MTUS2: variants seen among roughly 807,000 people sequenced by gnomAD.
MTUS2 encodes microtubule-associated tumor suppressor candidate 2.
Under a neutral mutation model 114.1 loss-of-function variants are expected in MTUS2, and 40 were observed. The observed-to-expected ratio is 0.35, with a 90% confidence interval of 0.27 to 0.46. The LOEUF is 0.46. MTUS2 is among the 20% of genes least tolerant of loss of function. The probability of loss-of-function intolerance (pLI) is 1.00; values close to 1 mark genes in which losing one functional copy is unlikely to be tolerated. For synonymous variants in MTUS2, 688 were observed against 672.0 expected, an observed-to-expected ratio of 1.02 and a Z score of -0.37; for missense variants, 1,679 against 1,705.4, an observed-to-expected ratio of 0.98 and a Z score of 0.27.
chr13:29,318,499 T>A (rs1566127505), intron 6 of MTUS2, among the ~76,000 whole-genome samples: 1 of 151,072 alleles, frequency 6.6e-6, no homozygotes, highest in African/African-American at 2.4e-5. Context: ...GACTTTCTGG[T>A]GAGTAAAAAG....
intron 8 of MTUS2, among the ~76,000 whole-genome samples, chr13:29,390,126 C>CAT (rs537879012): frequency 0.033 from 4,661 of 143,362 alleles, 354 homozygotes; most frequent in African/African-American, 0.12. Flanking sequence ...CACACACAAA[C>CAT]ATATATACTG....
intron 5 of MTUS2, among the ~76,000 whole-genome samples, chr13:29,127,230 C>G (rs772535074): frequency 1.3e-5 from 2 of 152,254 alleles, no homozygotes; most frequent in Non-Finnish European, 2.9e-5. Flanking sequence ...GGTCTCTGTC[C>G]TGTCCTTCCA....
At chr13:29,353,774 C>T (rs1869498029) in intron 7 of MTUS2, among the ~76,000 whole-genome samples, 1 of 152,152 alleles carries the variant, frequency 6.6e-6, no homozygotes, top group Admixed American at 6.5e-5. Flanking sequence ...CCTGATGCCC[C>T]ATGAATTACG....
At chr13:29,184,848 A>C (rs1593573124) in intron 5 of MTUS2, among the ~76,000 whole-genome samples, 1 of 152,202 alleles carries the variant, frequency 6.6e-6, no homozygotes, top group African/African-American at 2.4e-5. Context: ...TTTAACAAAA[A>C]ATTGATGAGA....
intron 8 of MTUS2, among the ~76,000 whole-genome samples, chr13:29,363,002 G>T (rs1245508826): frequency 6.6e-6 from 1 of 152,180 alleles, no homozygotes; most frequent in Admixed American, 6.5e-5. Context: ...AGGCAGCTCT[G>T]CCCCTGCAGC....
At position 28,951,367 on chromosome 13, in the gene MTUS2, T is replaced by A. The variant is rs114821821; in HGVS notation, c.-242-73090T>A. Among the ~76,000 whole-genome samples the A allele has an allele frequency of 8.6e-3, 1,305 of 152,318 alleles. 20 individuals are homozygous for A. The highest frequency in any genetic ancestry group is 0.029 in the African/African-American group (1,189 of 41,560). On this transcript the variant is annotated intron_variant, in intron 2 of 15. Coordinates refer to ENST00000612955, the MANE Select transcript of MTUS2 (RefSeq NM_001033602.4). ...CTTTTCATTTATTTGTCTTTTAAAA[T>A]TTCTTTCAGCAACATTTTATAGTCT...
intron 4 of MTUS2, among the ~76,000 whole-genome samples, chr13:29,055,612 G>T (rs184534215): frequency 4.7e-4 from 72 of 152,130 alleles, no homozygotes; most frequent in Non-Finnish European, 1.5e-5. Flanking sequence ...ATGAGAACAT[G>T]CCATGTTTGG....
At chr13:29,279,760 G>A (rs1437926839) in intron 5 of MTUS2, among the ~76,000 whole-genome samples, 2 of 152,162 alleles carry the variant, frequency 1.3e-5, no homozygotes, top group Non-Finnish European at 2.9e-5. Flanking sequence ...TTACTTCCCA[G>A]CCTGGAGAGC....
intron 4 of MTUS2, among the ~76,000 whole-genome samples, chr13:29,076,466 G>A (rs1352574865): frequency 6.6e-6 from 1 of 152,194 alleles, no homozygotes; most frequent in African/African-American, 2.4e-5. Context: ...CAGTCTTGGA[G>A]CCTCTCATGA....
At chr13:29,247,053 G>T (rs949623443) in intron 5 of MTUS2, among the ~76,000 whole-genome samples, 1 of 152,170 alleles carries the variant, frequency 6.6e-6, no homozygotes, top group African/African-American at 2.4e-5. Flanking sequence ...CATGGTACTG[G>T]TATGAAAATA....
intron 5 of MTUS2, among the ~76,000 whole-genome samples, chr13:29,242,062 C>T (rs1896753239): frequency 6.6e-6 from 1 of 152,120 alleles, no homozygotes; most frequent in African/African-American, 2.4e-5. Context: ...TTTCATAGGG[C>T]TGTATTATCA....
intron 8 of MTUS2, among the ~76,000 whole-genome samples, chr13:29,361,879 C>G (rs1184396826): frequency 1.3e-5 from 2 of 152,208 alleles, no homozygotes; most frequent in African/African-American, 2.4e-5. Context: ...CTTTTGTACA[C>G]TGTAGCATAT....
At chr13:29,205,591 C>T (rs1287681729) in intron 5 of MTUS2, among the ~76,000 whole-genome samples, 3 of 152,212 alleles carry the variant, frequency 2.0e-5, no homozygotes, top group African/African-American at 7.2e-5. Flanking sequence ...CCCCAGAGTG[C>T]ATTGTATCAT....
At chr13:29,316,978 A>T (rs1371661200) in intron 6 of MTUS2, among the ~76,000 whole-genome samples, 1 of 152,192 alleles carries the variant, frequency 6.6e-6, no homozygotes, top group East Asian at 1.9e-4. Context: ...CAGTGAATTT[A>T]TTGGGCTTGG....
intron 2 of MTUS2, among the ~76,000 whole-genome samples, chr13:28,998,033 T>C (rs1463470187): frequency 6.6e-6 from 1 of 152,202 alleles, no homozygotes; most frequent in East Asian, 1.9e-4. Flanking sequence ...TGGTACCAGT[T>C]GTTCCTTTCC....
intron 2 of MTUS2, among the ~76,000 whole-genome samples, chr13:29,013,876 A>C (rs1885956872): frequency 6.6e-6 from 1 of 152,222 alleles, no homozygotes; most frequent in Non-Finnish European, 1.5e-5. Flanking sequence ...TCTTTTTCTT[A>C]CCATTACATG....
chr13:29,321,181 G>A (rs1195605609), intron 6 of MTUS2, among the ~76,000 whole-genome samples: 3 of 151,842 alleles, frequency 2.0e-5, no homozygotes, highest in Non-Finnish European at 4.4e-5. Flanking sequence ...TGAGCCTGTT[G>A]AATGGATAAG....
In MTUS2 at chr13:28,968,129, A is replaced by T. The variant is rs182150385; in HGVS notation, c.-242-56328A>T. On this transcript the variant is annotated intron_variant, in intron 2 of 15. Coordinates refer to ENST00000612955, the MANE Select transcript of MTUS2 (RefSeq NM_001033602.4). ...TGACTGTATAGAAAGTATCTGCAGT[A>T]GTGATTCTGATTTTTTGAGGTATCA... Among the ~76,000 whole-genome samples, 360 of 152,334 alleles carry T rather than the reference A, an allele frequency of 2.4e-3. 1 individual carries two copies. Among genetic ancestry groups the T allele is most frequent in the African/African-American group, 8.0e-3 (331 of 41,582 alleles).
chr13:28,987,791 G>C (rs1348351375), intron 2 of MTUS2, among the ~76,000 whole-genome samples: 1 of 152,226 alleles, frequency 6.6e-6, no homozygotes, highest in African/African-American at 2.4e-5. Flanking sequence ...TCCCGTTGCA[G>C]AACAATGTGA....
Sources: gnomAD v4.1 joint callset for allele counts (sites outside exome capture counted in the v4.1 genomes callset) on GRCh38, gnomAD v4.1.1 for gene constraint, MANE v1.5 for transcripts, NCBI Gene and HGNC (gene_info 2026-07-23, HGNC 2026-07-21) for gene names.